Variants in GOT1 observed in about 807,000 individuals in gnomAD.
The protein encoded by GOT1 is aspartate aminotransferase, cytoplasmic.
A neutral mutation model predicts 48.2 loss-of-function variants in GOT1; 25 were observed. That is an observed-to-expected ratio of 0.52 (90% CI 0.38 to 0.72). The LOEUF is 0.72. Ranked by LOEUF, GOT1 falls within the 30% of genes least tolerant of loss-of-function variation. The pLI is 0.00. For synonymous variants in GOT1, 188 were observed against 193.8 expected (o/e 0.97, Z 0.25); for missense variants, 380 against 520.1 (o/e 0.73, Z 2.62).
chr10:99,407,577 C>T (rs993372685), intron 2 of GOT1, among the ~76,000 whole-genome samples: 11 of 151,794 alleles, frequency 7.2e-5, no homozygotes, highest in Admixed American at 2.0e-4. Flanking sequence ...GGACTACAGG[C>T]GCCTGCCACC....
At chr10:99,409,320 A>AAACCAATT (rs2032802341) in intron 2 of GOT1, among the ~76,000 whole-genome samples, 1 of 150,098 alleles carries the variant, frequency 6.7e-6, no homozygotes, top group Non-Finnish European at 1.5e-5. Flanking sequence ...TTTAGTACAG[A>AAACCAATT]TGGGGTTTCA....
At chr10:99,422,468 G>C (rs116875976) in intron 1 of GOT1, among the ~76,000 whole-genome samples, 4 of 151,702 alleles carry the variant, frequency 2.6e-5, no homozygotes, top group Admixed American at 1.3e-4. Context: ...ATTTTTGATG[G>C]GCATATTCTT....
chr10:99,399,892 G>A (rs2032648409), intron 8 of GOT1, among the ~76,000 whole-genome samples: 1 of 152,184 alleles, frequency 6.6e-6, no homozygotes, highest in Non-Finnish European at 1.5e-5. Flanking sequence ...CCAAACCAGT[G>A]AACAAAGAAA....
intron 2 of GOT1, among the ~76,000 whole-genome samples, chr10:99,410,544 T>A (rs983110994): frequency 2.6e-5 from 4 of 152,230 alleles, no homozygotes; most frequent in African/African-American, 7.2e-5. Flanking sequence ...CCACTCCACA[T>A]TAACTAATCC....
intron 2 of GOT1, among the ~76,000 whole-genome samples, chr10:99,409,577 G>A (rs1410632050): frequency 6.6e-6 from 1 of 152,166 alleles, no homozygotes; most frequent in Non-Finnish European, 1.5e-5. Flanking sequence ...AACTTCCCAA[G>A]TAAACATTAA....
At chr10:99,417,322 T>C (rs534209735) in intron 2 of GOT1, among the ~76,000 whole-genome samples, 1 of 152,176 alleles carries the variant, frequency 6.6e-6, no homozygotes, top group East Asian at 1.9e-4. Flanking sequence ...AACAGACACA[T>C]GAAAAAATGC....
At position 99,403,525 on chromosome 10, in the gene GOT1, G is replaced by A. The variant is rs1400763041; in HGVS notation, c.903C>T (p.Ala301=). ...TGCTGGCCACAATTCGTGCTCCCTG[G>A]GCGGGGGGATTGGACCAAGTAATCC... ...IVRITWSNPP[A]QGARIVASTL... Residue 301 remains alanine, a synonymous_variant, in exon 7 of 9, where the codon GCC becomes GCT. Coordinates refer to ENST00000370508, the MANE Select transcript of GOT1 (RefSeq NM_002079.3). The A allele has an allele frequency of 1.2e-6, 2 of 1,614,012 alleles. No individual in the cohort carries two copies. The highest frequency in any genetic ancestry group is 2.7e-5 in the African/African-American group (2 of 74,906).
At chr10:99,429,094 G>A (rs566375465) in intron 1 of GOT1, among the ~76,000 whole-genome samples, 1 of 150,956 alleles carries the variant, frequency 6.6e-6, no homozygotes, top group Non-Finnish European at 1.5e-5. Context: ...CTGTCGCCCA[G>A]CCTGGAGTGC....
At chr10:99,427,868 C>T (rs778797026) in intron 1 of GOT1, among the ~76,000 whole-genome samples, 1 of 152,192 alleles carries the variant, frequency 6.6e-6, no homozygotes. Flanking sequence ...CTCCAGTCTT[C>T]GGCTTCCTTG....
intron 1 of GOT1, among the ~76,000 whole-genome samples, chr10:99,423,154 G>C (rs2032993429): frequency 6.6e-6 from 1 of 152,166 alleles, no homozygotes; most frequent in South Asian, 2.1e-4. Context: ...CTTACGCACT[G>C]AGTGTATTTT....
Position 99,397,434 on chromosome 10 carries a change from C to G in GOT1, c.*113G>C, listed in dbSNP as rs899465169. On this transcript the variant is annotated 3_prime_UTR_variant, in exon 9 of 9. Transcript: ENST00000370508. The surrounding 1 kb of genome is among the most constrained non-coding windows in gnomAD (Gnocchi z 5.4). ...AACAGAGGCTGCCTCACCAGAGCAG[C>G]CTTTCAGTCCTGCAAGTGTCTCTAA... is the stretch of plus-strand genomic sequence containing the variant. 4.3e-6 allele frequency: 5 copies of G among 1,149,610 alleles called. No individual in the cohort carries two copies. The highest frequency in any genetic ancestry group is 3.0e-5 in the African/African-American group (2 of 65,906). The allele number at this position is 1,149,610 out of a possible 1,614,324, so 71.2% of individuals were successfully genotyped here.
At chr10:99,413,454 C>A (rs1010516118) in intron 2 of GOT1, among the ~76,000 whole-genome samples, 2 of 152,208 alleles carry the variant, frequency 1.3e-5, no homozygotes, top group African/African-American at 4.8e-5. Context: ...AAGACCAAAT[C>A]TACATCTGAT....
chr10:99,403,573 A>G lies in GOT1; in HGVS notation c.855T>C (p.Leu285=). 1 of 1,614,148 alleles carries G rather than the reference A, an allele frequency of 6.2e-7. No individual in the cohort carries two copies. ...TCCGCACGATCTTCTCCATCTGGGAAAGGACTTGCAGGATGCTCTCAGGTT... is the reference window on the plus strand; with the variant it reads ...TCCGCACGATCTTCTCCATCTGGGAGAGGACTTGCAGGATGCTCTCAGGTT... ...GKEPESILQV[L]SQMEKIVRIT... is the part of the protein sequence containing the mutation. The change falls in exon 7 of 9, where the codon CTT becomes CTC. Residue 285 remains leucine, a synonymous_variant. Transcript: ENST00000370508.
At position 99,397,419 on chromosome 10, in the gene GOT1, G is replaced by A. The variant is rs1271556879; in HGVS notation, c.*128C>T. ...TGTGGGGCCGGTTTAAACAGAGGCTGCCTCACCAGAGCAGCCTTTCAGTCC... is the reference window on the plus strand; with the variant it reads ...TGTGGGGCCGGTTTAAACAGAGGCTACCTCACCAGAGCAGCCTTTCAGTCC... On this transcript the variant is annotated 3_prime_UTR_variant, in exon 9 of 9. Transcript: ENST00000370508. This position sits in a 1 kb window ranked among gnomAD's most constrained non-coding sequence, Gnocchi z 5.4. The A allele has an allele frequency of 3.1e-6, 3 of 970,392 alleles. No homozygotes were observed. Among genetic ancestry groups the A allele is most frequent in the Non-Finnish European group, 4.8e-6 (3 of 620,578 alleles). 60.1% of individuals were successfully genotyped at this position (970,392 alleles called of 1,614,324 possible).
chr10:99,422,828 C>G lies in GOT1; in HGVS notation c.119-2023G>C, dbSNP rs534910309. ...TCATTTTACATTTGCGCATAGAGAG[C>G]GTCCTTGTTCTTTTTTACAGCTGCT... On this transcript the variant is annotated intron_variant, in intron 1 of 8. Coordinates refer to ENST00000370508, the MANE Select transcript of GOT1 (RefSeq NM_002079.3). Among the ~76,000 whole-genome samples the G allele has an allele frequency of 3.3e-5, 5 of 152,312 alleles. No homozygotes were observed. The South Asian group carries it at 1.0e-3, about 32-fold the overall frequency.
At chr10:99,418,750 A>T (rs970780055) in intron 2 of GOT1, among the ~76,000 whole-genome samples, 1 of 152,058 alleles carries the variant, frequency 6.6e-6, no homozygotes, top group Non-Finnish European at 1.5e-5. Flanking sequence ...TAATCTGCCC[A>T]CCTTGGCCTC....
intron 8 of GOT1, among the ~76,000 whole-genome samples, chr10:99,400,955 AG>A (rs2032666900): frequency 6.6e-6 from 1 of 152,120 alleles, no homozygotes; most frequent in Non-Finnish European, 1.5e-5. Flanking sequence ...AGAAAAAAAA[AG>A]TTGGGAGGAA....
intron 1 of GOT1, 146 bp downstream of exon 1, chr10:99,430,302 G>T: frequency 6.3e-7 from 1 of 1,586,982 alleles, no homozygotes; most frequent in Non-Finnish European, 8.5e-7. Context: ...GTTTTAGGAA[G>T]CCTTCGTGGA....
chr10:99,409,604 A>C (rs188605007), intron 2 of GOT1, among the ~76,000 whole-genome samples: 1 of 152,328 alleles, frequency 6.6e-6, no homozygotes, highest in East Asian at 1.9e-4. Context: ...ATATTAATCC[A>C]GCAGTACATT....
Sources: gnomAD v4.1 joint callset for allele counts (sites outside exome capture counted in the v4.1 genomes callset) on GRCh38, gnomAD v4.1.1 for gene constraint, Gnocchi (gnomAD v3.1) non-coding constraint, MANE v1.5 for transcripts, NCBI Gene and HGNC (gene_info 2026-07-23, HGNC 2026-07-21) for gene names.